The following MAP3K19 variants were observed in gnomAD, a reference collection of about 807,000 sequenced individuals.
MAP3K19 encodes mitogen-activated protein kinase kinase kinase 19, also known as SPS1/STE20-related protein kinase YSK4.
A neutral mutation model predicts 114.4 loss-of-function variants in MAP3K19; 91 were observed. That is an observed-to-expected ratio of 0.80 (90% CI 0.67 to 0.95). MAP3K19 has a LOEUF of 0.95. Among genes scored for constraint, MAP3K19 ranks in the 40% least tolerant of loss-of-function variants. The probability of loss-of-function intolerance (pLI) is 0.00; values close to 1 mark genes in which losing one functional copy is unlikely to be tolerated. For missense variants in MAP3K19, 1,471 were observed against 1,573.2 expected (o/e 0.94, Z 1.10); for synonymous variants, 518 against 530.5 (o/e 0.98, Z 0.32).
rs149344485 is a variant in MAP3K19 at position 135,041,313 on chromosome 2, C to T, written c.-423-811G>A. ...CTCAAATTGCAATTTTGGAGGTCAC[C>T]GAACTACCCTCTCCTGCATGGAACC... On this transcript the variant is annotated intron_variant, in intron 1 of 12. Coordinates refer to ENST00000392915, the MANE Select transcript of MAP3K19 (RefSeq NM_025052.5). Among the ~76,000 whole-genome samples, 148 of 151,526 alleles carry T rather than the reference C, an allele frequency of 9.8e-4. 2 individuals are homozygous for T. Among genetic ancestry groups the T allele is most frequent in the African/African-American group, 3.4e-3 (140 of 41,304 alleles).
At chr2:134,983,984 T>C (rs1049162725) in intron 10 of MAP3K19, among the ~76,000 whole-genome samples, 159 bp from the exon 11 acceptor site, 1 of 152,200 alleles carries the variant, frequency 6.6e-6, no homozygotes, top group Non-Finnish European at 1.5e-5. Flanking sequence ...GACCACATAG[T>C]GTATCTTAGT....
chr2:134,968,553 C>T (rs372506965), intron 12 of MAP3K19, among the ~76,000 whole-genome samples: 2 of 149,162 alleles, frequency 1.3e-5, no homozygotes, highest in African/African-American at 5.0e-5. Context: ...ACTTCCCAGA[C>T]GGGGTGGCTG....
rs190387950 is a variant in MAP3K19, at chr2:134,998,887, A to G, written c.425T>C (p.Val142Ala). 1.2e-6 allele frequency: 2 copies of G among 1,614,130 alleles called. No homozygotes were observed. Among genetic ancestry groups the G allele is most frequent in the Admixed American group, 3.3e-5 (2 of 60,018 alleles). Residue 142 changes from valine (V) to alanine (A), a missense_variant, in exon 8 of 13, where the codon GTT (valine) becomes GCT (alanine). Val to Ala is a moderately conservative substitution (Grantham distance 64). Transcript: ENST00000392915. ...RKKKLTMRPL[V>A]LQKEESSREL... ...CCTGGAACTTTCCTCTTTTTGCAAA[A>G]CTAAGGGCCGCATGGTCAGCTTCTT...
intron 12 of MAP3K19, among the ~76,000 whole-genome samples, chr2:134,968,173 G>A (rs1409603626): frequency 1.3e-5 from 2 of 152,066 alleles, no homozygotes; most frequent in African/African-American, 2.4e-5. Flanking sequence ...CACAGGGTTG[G>A]GGGTAAGGTC....
intron 4 of MAP3K19, among the ~76,000 whole-genome samples, chr2:135,022,112 C>T (rs1396186986): frequency 6.6e-6 from 1 of 152,008 alleles, no homozygotes; most frequent in African/African-American, 2.4e-5. Flanking sequence ...AGATTTTGAG[C>T]AAGTGAAATA....
chr2:134,970,882 C>T (rs1284622251), intron 12 of MAP3K19, among the ~76,000 whole-genome samples: 4 of 152,170 alleles, frequency 2.6e-5, no homozygotes, highest in Non-Finnish European at 4.4e-5. Context: ...CAGGCATGAG[C>T]CACTGCGCCC....
At chr2:135,023,020 T>C (rs1688084901) in intron 4 of MAP3K19, among the ~76,000 whole-genome samples, 2 of 152,194 alleles carry the variant, frequency 1.3e-5, no homozygotes, top group Admixed American at 1.3e-4. Context: ...CTTCTTCTAA[T>C]AAGCATTGGC....
At chr2:135,025,837 C>T (rs1290583566) in intron 3 of MAP3K19, among the ~76,000 whole-genome samples, 4 of 151,982 alleles carry the variant, frequency 2.6e-5, no homozygotes, top group Non-Finnish European at 4.4e-5. Flanking sequence ...GTACTGAACC[C>T]TTGCATTAGA....
intron 9 of MAP3K19, 59 bp from the exon 10 acceptor site, chr2:134,988,312 T>G: frequency 7.2e-7 from 1 of 1,386,180 alleles, no homozygotes; most frequent in Non-Finnish European, 9.7e-7. Context: ...TCACGCTAAC[T>G]CGTTTAAAGT....
intron 5 of MAP3K19, among the ~76,000 whole-genome samples, chr2:135,011,666 GTTGTTTGTTTGTTTGT>G (rs58467283): frequency 5.3e-5 from 8 of 150,106 alleles, no homozygotes; most frequent in Non-Finnish European, 2.9e-5. Context: ...AGAGTTTGAT[GTTGTTTGTTTGTTTGT>G]TTGTTTGTTT....
chr2:135,023,770 T>C (rs953061941), intron 4 of MAP3K19: 1 of 329,376 alleles, frequency 3.0e-6, no homozygotes, highest in African/African-American at 2.2e-5. Context: ...TGGGCACTTC[T>C]ATAATTTCTT....
chr2:135,035,871 G>A (rs967979187), intron 2 of MAP3K19, among the ~76,000 whole-genome samples: 6 of 151,888 alleles, frequency 4.0e-5, no homozygotes, highest in Admixed American at 1.3e-4. Flanking sequence ...TTTCACTCTC[G>A]TTGCCCAGGC....
Position 135,023,641 on chromosome 2 carries a change from C to T in MAP3K19, c.22+985G>A, listed in dbSNP as rs988309395. The T allele has an allele frequency of 6.2e-5, 29 of 468,722 alleles. 1 individual carries two copies. Among genetic ancestry groups the T allele is most frequent in the South Asian group, 3.9e-4 (25 of 63,546 alleles). The allele number at this position is 468,722 out of a possible 1,614,324, so 29.0% of individuals were successfully genotyped here. A position where few individuals can be genotyped will look rare whatever the true frequency, so the allele number is the denominator to read the frequency against. On this transcript the variant is annotated intron_variant, in intron 4 of 12. Coordinates refer to ENST00000392915, the MANE Select transcript of MAP3K19 (RefSeq NM_025052.5). ...TGTCTCCGCTGTCAACATCACATCT[C>T]GCAGTTCTGTGAATTGTTCTTTCAC...
At chr2:134,979,165 G>T (rs758472552) in intron 12 of MAP3K19, among the ~76,000 whole-genome samples, 1 of 152,114 alleles carries the variant, frequency 6.6e-6, no homozygotes, top group Non-Finnish European at 1.5e-5. Context: ...GGTCCTCAGG[G>T]TCTTTGCCAT....
intron 2 of MAP3K19, among the ~76,000 whole-genome samples, chr2:135,034,678 C>T (rs1053648622): frequency 3.3e-4 from 47 of 141,536 alleles, no homozygotes; most frequent in African/African-American, 1.2e-3. Flanking sequence ...CGTGGTGGCG[C>T]GCTACAGGCA....
intron 2 of MAP3K19, among the ~76,000 whole-genome samples, 184 bp downstream of exon 2, chr2:135,040,179 A>G (rs1180091191): frequency 6.6e-6 from 1 of 152,192 alleles, no homozygotes; most frequent in Non-Finnish European, 1.5e-5. Flanking sequence ...TTGTGGACCG[A>G]GTGAGGAAAT....
At chr2:135,040,791 C>T (rs1688631130) in intron 1 of MAP3K19, among the ~76,000 whole-genome samples, 2 of 152,150 alleles carry the variant, frequency 1.3e-5, no homozygotes, top group South Asian at 4.1e-4. Flanking sequence ...TTTGGAAGAT[C>T]TGCTGTGGTA....
chr2:135,040,000 T>A (rs923394547), intron 2 of MAP3K19, among the ~76,000 whole-genome samples: 10 of 152,304 alleles, frequency 6.6e-5, no homozygotes, highest in African/African-American at 1.9e-4. Context: ...TACTTCCAGG[T>A]TTACGTGCAT....
Position 134,999,998 on chromosome 2 carries a change from T to G in MAP3K19, c.253A>C (p.Thr85Pro). 2 of 1,610,772 alleles carry G rather than the reference T, an allele frequency of 1.2e-6. No individual in the cohort carries two copies. Among genetic ancestry groups the G allele is most frequent in the Non-Finnish European group, 1.7e-6 (2 of 1,176,982 alleles). Residue 85 changes from threonine (T) to proline (P), a missense_variant, in exon 7 of 13, where the codon ACT (threonine) becomes CCT (proline). Physicochemically the swap from Thr to Pro is conservative, Grantham distance 38 (BLOSUM62 -1). Transcript: ENST00000392915. The surrounding 1 kb of genome is among the most constrained non-coding windows in gnomAD (Gnocchi z 4.1). ...PRTEGVEITV[T>P]FPRDVSPPQE... ...GGAGGACTGACATCTCTTGGAAAAG[T>G]TACAGTGATCTCAACACCTGTAGAA...
Sources: allele counts gnomAD v4.1 joint callset (sites outside exome capture counted in the v4.1 genomes callset), GRCh38; gene constraint gnomAD v4.1.1; non-coding constraint Gnocchi (gnomAD v3.1); transcripts MANE v1.5; gene names NCBI Gene and HGNC (gene_info 2026-07-23, HGNC 2026-07-21).